The following LRRC36 variants were observed in gnomAD, a reference collection of about 807,000 sequenced individuals.
The protein encoded by LRRC36 is leucine-rich repeat-containing protein 36.
Under a neutral mutation model 81.1 loss-of-function variants are expected in LRRC36, and 62 were observed. The ratio of observed to expected loss-of-function variants is 0.76; its 90% confidence interval spans 0.62 to 0.94. The LOEUF (loss-of-function observed/expected upper bound fraction) is 0.94, where lower values mean the gene tolerates loss of function less well. Ranked by LOEUF, LRRC36 falls within the 40% of genes least tolerant of loss-of-function variation. The pLI, the probability that LRRC36 is intolerant of heterozygous loss-of-function variation, is 0.00. For synonymous variants in LRRC36, 334 were observed against 348.6 expected, an observed-to-expected ratio of 0.96 and a Z score of 0.47; for missense variants, 761 against 881.7, an observed-to-expected ratio of 0.86 and a Z score of 1.73.
chr16:67,327,769 ATG>A (rs2037265401), intron 1 of LRRC36, among the ~76,000 whole-genome samples: 1 of 152,200 alleles, frequency 6.6e-6, no homozygotes, highest in Non-Finnish European at 1.5e-5. Context: ...TAGAGGAAGA[ATG>A]TGGTATCTTG....
intron 4 of LRRC36, among the ~76,000 whole-genome samples, chr16:67,349,219 TATA>T (rs937808997): frequency 1.3e-5 from 2 of 152,152 alleles, no homozygotes; most frequent in Admixed American, 6.5e-5. Context: ...TTATTTACCA[TATA>T]ATGATTGCAA....
In LRRC36 at chr16:67,326,919, G is replaced by T. The variant is rs371028334; in HGVS notation, c.57G>T (p.Thr19=). 7 of 1,492,580 alleles carry T rather than the reference G, an allele frequency of 4.7e-6. No homozygotes were observed. The African/African-American group carries it at 8.8e-5, about 19-fold the overall frequency. The allele number at this position is 1,492,580 out of a possible 1,614,324, so 92.5% of individuals were successfully genotyped here. The change falls in exon 1 of 14, where the codon ACG becomes ACT. Residue 19 remains threonine (T), a synonymous_variant. Coordinates refer to ENST00000329956, the MANE Select transcript of LRRC36 (RefSeq NM_018296.6). ...GCATTCGCCGCCTGGGGGCGCTGAC[G>T]CTGGAGCAGCCGGGTAGGGTCTGGC... ...EEGIRRLGAL[T]LEQPELVESL...
intron 2 of LRRC36, among the ~76,000 whole-genome samples, chr16:67,344,277 A>G (rs1414774408): frequency 1.3e-5 from 2 of 152,302 alleles, no homozygotes; most frequent in Admixed American, 1.3e-4. Context: ...TAATTTTTAC[A>G]CTGAGAGACA....
intron 1 of LRRC36, among the ~76,000 whole-genome samples, chr16:67,338,456 A>G (rs887865833): frequency 4.6e-5 from 7 of 152,182 alleles, no homozygotes; most frequent in African/African-American, 1.7e-4. Context: ...AAAAGGAAGG[A>G]ATATTTTAAT....
At chr16:67,341,703 G>A (rs1159000598) in intron 1 of LRRC36, among the ~76,000 whole-genome samples, 1 of 151,928 alleles carries the variant, frequency 6.6e-6, no homozygotes, top group African/African-American at 2.4e-5. Context: ...TTGAAATTTT[G>A]TTTTGAGAAC....
At chr16:67,330,825 A>G (rs1369506762) in intron 1 of LRRC36, among the ~76,000 whole-genome samples, 1 of 152,178 alleles carries the variant, frequency 6.6e-6, no homozygotes, top group African/African-American at 2.4e-5. Context: ...AGATCGCACC[A>G]CTGCACTTCA....
At chr16:67,334,014 CATT>C (rs913652725) in intron 1 of LRRC36, among the ~76,000 whole-genome samples, 7 of 151,820 alleles carry the variant, frequency 4.6e-5, no homozygotes, top group African/African-American at 7.3e-5. Context: ...TCGTGTCCAC[CATT>C]ATTATTATTA....
intron 4 of LRRC36, among the ~76,000 whole-genome samples, chr16:67,349,616 G>A (rs1042274786): frequency 1.3e-5 from 2 of 152,118 alleles, no homozygotes; most frequent in Admixed American, 6.6e-5. Flanking sequence ...TCAGATCTAA[G>A]TATGTGTCAA....
intron 11 of LRRC36, among the ~76,000 whole-genome samples, chr16:67,378,087 A>G (rs2039972464): frequency 6.6e-6 from 1 of 152,244 alleles, no homozygotes. Context: ...TTGCTAGTCC[A>G]TGTAATAAAT....
rs941520756 is a variant in LRRC36 at position 67,383,066 on chromosome 16, C to T, written c.2045+819C>T. On this transcript the variant is annotated intron_variant, in intron 13 of 13. Transcript: ENST00000329956. ...CCAGCCTGTCAACAGAGCGAGGCTC[C>T]GTCTCAAAAAAAAAAAAAAAAAAAA... Among the ~76,000 whole-genome samples, 5 of 121,518 alleles carry T rather than the reference C, an allele frequency of 4.1e-5. No homozygotes were observed. The East Asian group carries it at 6.7e-4, about 16-fold the overall frequency. The allele number at this position is 121,518 out of a possible 152,430, so 79.7% of individuals were successfully genotyped here. A position where few individuals can be genotyped will look rare whatever the true frequency, so the allele number is the denominator to read the frequency against.
chr16:67,338,084 CA>C (rs548946212), intron 1 of LRRC36, among the ~76,000 whole-genome samples: 12,575 of 135,140 alleles, frequency 0.093, 1,678 homozygotes, highest in African/African-American at 0.31. Flanking sequence ...AACTCCATCT[CA>C]AAAAAAAAAA....
Position 67,371,134 on chromosome 16 carries a change from T to C in LRRC36, c.1386T>C (p.Ile462=). 6.2e-7 allele frequency: 1 copy of C among 1,614,130 alleles called. No individual in the cohort carries two copies. Among genetic ancestry groups the C allele is most frequent in the Non-Finnish European group, 8.5e-7 (1 of 1,180,020 alleles). The change falls in exon 9 of 14, where the codon ATT becomes ATC. Residue 462 remains isoleucine (I), a synonymous_variant. Coordinates refer to ENST00000329956, the MANE Select transcript of LRRC36 (RefSeq NM_018296.6). ...LSPGTSEHRK[I]FTKRSLSPSK... is the part of the protein sequence containing the mutation. ...CTGGGACTTCAGAACACAGAAAGATTTTTACCAAGAGGTCACTAAGCCCAT... is the reference window on the plus strand; with the variant it reads ...CTGGGACTTCAGAACACAGAAAGATCTTTACCAAGAGGTCACTAAGCCCAT...
At chr16:67,334,703 A>T (rs752166050) in intron 1 of LRRC36, among the ~76,000 whole-genome samples, 2 of 151,370 alleles carry the variant, frequency 1.3e-5, no homozygotes, top group Admixed American at 6.6e-5. Flanking sequence ...TCCCTCCCTC[A>T]CCCCAAACCC....
At chr16:67,327,216 C>T (rs1265982246) in intron 1 of LRRC36, among the ~76,000 whole-genome samples, 1 of 151,880 alleles carries the variant, frequency 6.6e-6, no homozygotes, top group Non-Finnish European at 1.5e-5. Context: ...GGGACCCTGC[C>T]GCAGGTGACA....
chr16:67,373,907 G>A (rs1006882325), intron 9 of LRRC36, among the ~76,000 whole-genome samples: 2 of 152,084 alleles, frequency 1.3e-5, no homozygotes, highest in Non-Finnish European at 2.9e-5. Flanking sequence ...AGCTACTTGG[G>A]TTGACTGAGT....
intron 1 of LRRC36, among the ~76,000 whole-genome samples, chr16:67,331,256 A>C (rs541510043): frequency 2.0e-5 from 3 of 152,180 alleles, no homozygotes; most frequent in African/African-American, 4.8e-5. Flanking sequence ...ACGTTTCAAC[A>C]TGAAAGCTGG....
intron 12 of LRRC36, 62 bp downstream of exon 12, chr16:67,378,774 C>T: frequency 6.4e-7 from 1 of 1,568,330 alleles, no homozygotes; most frequent in South Asian, 1.2e-5. Context: ...TTATAGATGA[C>T]CCATTTAGTA....
At chr16:67,329,082 T>C (rs934956136) in intron 1 of LRRC36, among the ~76,000 whole-genome samples, 1 of 152,006 alleles carries the variant, frequency 6.6e-6, no homozygotes, top group African/African-American at 2.4e-5. Flanking sequence ...GCTAATTTTG[T>C]ATTTTCAGTA....
intron 10 of LRRC36, among the ~76,000 whole-genome samples, chr16:67,376,377 CTT>C (rs1360045364): frequency 6.6e-6 from 1 of 152,110 alleles, no homozygotes; most frequent in Non-Finnish European, 1.5e-5. Flanking sequence ...GTTAAAAAAA[CTT>C]TTTAAAAAAT....
Sources: allele counts gnomAD v4.1 joint callset (sites outside exome capture counted in the v4.1 genomes callset), GRCh38; gene constraint gnomAD v4.1.1; transcripts MANE v1.5; gene names NCBI Gene and HGNC (gene_info 2026-07-23, HGNC 2026-07-21).